The following SNTG1 variants were observed in gnomAD, a reference collection of about 807,000 sequenced individuals.
SNTG1 encodes the protein gamma-1-syntrophin.
Under a neutral mutation model 74.7 loss-of-function variants are expected in SNTG1, and 39 were observed. The observed-to-expected ratio is 0.52, with a 90% CI of 0.40 to 0.68. SNTG1 has a LOEUF of 0.68. Ranked by LOEUF, SNTG1 falls within the 30% of genes least tolerant of loss-of-function variation. The probability of loss-of-function intolerance (pLI) is 0.00; values close to 1 mark genes in which losing one functional copy is unlikely to be tolerated. For missense variants in SNTG1, 685 were observed against 609.5 expected (o/e 1.12, Z -1.30); for synonymous variants, 254 against 217.1 (o/e 1.17, Z -1.49).
intron 17 of SNTG1, among the ~76,000 whole-genome samples, chr8:50,717,869 T>C (rs1454682595): frequency 6.6e-6 from 1 of 152,210 alleles, no homozygotes; most frequent in African/African-American, 2.4e-5. Context: ...CCCACTGCAG[T>C]ACATGAGTAC....
intron 1 of SNTG1, among the ~76,000 whole-genome samples, chr8:49,980,521 C>CAAAAAAAAAAAAAAAAAAAAAAA (rs565561398): frequency 1.9e-5 from 1 of 53,840 alleles, no homozygotes; most frequent in African/African-American, 7.4e-5. Flanking sequence ...GACTCCTTCG[C>CAAAAAAAAAAAAAAAAAAAAAAA]AAAAAAAAAA....
intron 1 of SNTG1, among the ~76,000 whole-genome samples, chr8:50,083,224 A>C (rs1822572428): frequency 6.6e-6 from 1 of 152,198 alleles, no homozygotes; most frequent in Admixed American, 6.5e-5. Flanking sequence ...CTTTTGTTAA[A>C]TCCCAGAGCT....
intron 1 of SNTG1, among the ~76,000 whole-genome samples, chr8:50,077,413 A>T (rs993627718): frequency 9.9e-5 from 15 of 152,150 alleles, no homozygotes; most frequent in African/African-American, 3.6e-4. Context: ...CAGAGCAATA[A>T]TTTTTTCTGT....
intron 15 of SNTG1, among the ~76,000 whole-genome samples, chr8:50,684,740 C>CTTTTTTTTTTTTTTTTTTTTTTCT (rs71235319): frequency 7.4e-6 from 1 of 135,124 alleles, no homozygotes; most frequent in Non-Finnish European, 1.6e-5. Context: ...TTTTTTTTTT[C>CTTTTTTTTTTTTTTTTTTTTTTCT]TTTTTTTTTA....
intron 2 of SNTG1, among the ~76,000 whole-genome samples, chr8:50,227,288 G>A (rs1395877821): frequency 6.6e-6 from 1 of 152,118 alleles, no homozygotes; most frequent in African/African-American, 2.4e-5. Flanking sequence ...GAAACTCATG[G>A]TGCTGCAGTT....
chr8:50,625,831 A>G (rs1245569591), intron 13 of SNTG1, among the ~76,000 whole-genome samples: 2 of 152,242 alleles, frequency 1.3e-5, no homozygotes, highest in African/African-American at 2.4e-5. Context: ...AAAAATGACA[A>G]GAGTTTTCTG....
At chr8:49,937,723 T>C (rs1808214237) in intron 1 of SNTG1, among the ~76,000 whole-genome samples, 1 of 152,128 alleles carries the variant, frequency 6.6e-6, no homozygotes, top group Admixed American at 6.5e-5. Flanking sequence ...AAACCAGAGG[T>C]AAAAAGGGTC....
rs556697192 is a variant in SNTG1, at chr8:50,018,348, T to C, written c.-103+106117T>C. Reference sequence around the variant, plus strand: ...CACTTCAGAAGTAAGACTTTACATTTACACTCAACTAATTTATGACAACAG... The same window carrying C: ...CACTTCAGAAGTAAGACTTTACATTCACACTCAACTAATTTATGACAACAG... On this transcript the variant is annotated intron_variant, in intron 1 of 18. Coordinates refer to ENST00000642720, the MANE Select transcript of SNTG1 (RefSeq NM_018967.5). Among the ~76,000 whole-genome samples the C allele has an allele frequency of 2.6e-5, 4 of 152,178 alleles. No individual in the cohort carries two copies. The South Asian group carries it at 6.2e-4, about 24-fold the overall frequency.
chr8:50,470,237 T>C (rs1272515697), intron 8 of SNTG1, among the ~76,000 whole-genome samples: 3 of 152,218 alleles, frequency 2.0e-5, no homozygotes, highest in Non-Finnish European at 4.4e-5. Context: ...CTCCCAGTAA[T>C]GAACTTTAAT....
chr8:49,929,816 C>A (rs1289160008), intron 1 of SNTG1, among the ~76,000 whole-genome samples: 105 of 151,132 alleles, frequency 6.9e-4, no homozygotes, highest in Non-Finnish European at 1.0e-4. Context: ...GCTGCACCCA[C>A]TAACTCGTCA....
chr8:50,503,267 A>T (rs1042702828), intron 9 of SNTG1, among the ~76,000 whole-genome samples: 1 of 152,200 alleles, frequency 6.6e-6, no homozygotes, highest in Non-Finnish European at 1.5e-5. Context: ...AGAAGATGAA[A>T]AAAAGCGTTT....
intron 1 of SNTG1, among the ~76,000 whole-genome samples, chr8:50,008,984 C>A (rs554028297): frequency 5.8e-4 from 88 of 151,950 alleles, no homozygotes; most frequent in African/African-American, 2.0e-3. Flanking sequence ...TTCAATCCCA[C>A]AGTTTGCCTC....
chr8:50,482,307 G>C (rs1165595227), intron 8 of SNTG1, among the ~76,000 whole-genome samples: 1 of 152,184 alleles, frequency 6.6e-6, no homozygotes, highest in Non-Finnish European at 1.5e-5. Context: ...GGCAGGTAGG[G>C]TGAGAATGAC....
intron 1 of SNTG1, among the ~76,000 whole-genome samples, chr8:50,055,746 T>A (rs950968683): frequency 6.6e-6 from 1 of 152,260 alleles, no homozygotes; most frequent in Admixed American, 6.5e-5. Flanking sequence ...ACCTCGAAGT[T>A]GGTCCTAACT....
intron 1 of SNTG1, among the ~76,000 whole-genome samples, chr8:50,116,136 A>C (rs1011325005): frequency 1.3e-5 from 2 of 152,166 alleles, no homozygotes; most frequent in African/African-American, 4.8e-5. Flanking sequence ...AGGTTACATA[A>C]AAGAAAATAC....
At chr8:50,489,448 A>G (rs2093829961) in intron 8 of SNTG1, among the ~76,000 whole-genome samples, 1 of 152,106 alleles carries the variant, frequency 6.6e-6, no homozygotes, top group African/African-American at 2.4e-5. Context: ...CTGTTTCCTG[A>G]CCTTTTAATG....
intron 15 of SNTG1, among the ~76,000 whole-genome samples, chr8:50,696,011 G>A (rs1296618387): frequency 6.6e-6 from 1 of 151,822 alleles, no homozygotes; most frequent in African/African-American, 2.4e-5. Context: ...TTGAATAGTA[G>A]TTCTATTTTT....
At chr8:50,601,683 T>C (rs2094776342) in intron 13 of SNTG1, among the ~76,000 whole-genome samples, 1 of 152,192 alleles carries the variant, frequency 6.6e-6, no homozygotes, top group Admixed American at 6.5e-5. Flanking sequence ...TTGTTGATTT[T>C]CTTTCTGGAA....
intron 8 of SNTG1, among the ~76,000 whole-genome samples, chr8:50,455,896 A>G (rs2093500598): frequency 6.6e-6 from 1 of 152,188 alleles, no homozygotes; most frequent in African/African-American, 2.4e-5. Context: ...GCTCTAAGTG[A>G]TTAATACTGC....
Sources: allele counts gnomAD v4.1 joint callset (sites outside exome capture counted in the v4.1 genomes callset), GRCh38; gene constraint gnomAD v4.1.1; transcripts MANE v1.5; gene names NCBI Gene and HGNC (gene_info 2026-07-23, HGNC 2026-07-21).